The following BCKDHB variants were observed in gnomAD, a reference collection of about 807,000 sequenced individuals.
BCKDHB encodes the protein 2-oxoisovalerate dehydrogenase subunit beta, mitochondrial.
A neutral mutation model predicts 48.5 loss-of-function variants in BCKDHB; 41 were observed. That is an observed-to-expected ratio of 0.85 (90% CI 0.66 to 1.10). The LOEUF (loss-of-function observed/expected upper bound fraction) is 1.10. Among genes scored for constraint, BCKDHB ranks in the 50% least tolerant of loss-of-function variants. BCKDHB has a pLI of 0.00. For synonymous variants in BCKDHB, 201 were observed against 174.8 expected (o/e 1.15, Z -1.18); for missense variants, 496 against 494.2 (o/e 1.00, Z -0.03).
intron 8 of BCKDHB, among the ~76,000 whole-genome samples, chr6:80,265,193 C>T (rs1344713235): frequency 6.6e-6 from 1 of 152,030 alleles, no homozygotes; most frequent in East Asian, 1.9e-4. Flanking sequence ...CCAGCAATTC[C>T]ACTTCTGGGT....
chr6:80,291,092 T>C lies in BCKDHB; in HGVS notation c.1038+17871T>C, dbSNP rs896770234. ...CCAACCTCCTATCTCATCCTGTGAA[T>C]TGGAATGCCTAACTGTCTGGGAATG... On this transcript the variant is annotated intron_variant, in intron 9 of 9. Coordinates refer to ENST00000320393, the MANE Select transcript of BCKDHB (RefSeq NM_183050.4). Among the ~76,000 whole-genome samples the C allele has an allele frequency of 7.2e-5, 11 of 152,328 alleles. No individual in the cohort carries two copies. The East Asian group carries it at 1.5e-3, about 21-fold the overall frequency.
the BCKDHB span, among the ~76,000 whole-genome samples, chr6:80,462,253 A>C: frequency 6.6e-6 from 1 of 152,298 alleles, no homozygotes; most frequent in East Asian, 1.9e-4. Context: ...CTATTTACTT[A>C]TCTTTCTCCT....
chr6:80,349,005 A>G (rs936120128), downstream of BCKDHB, among the ~76,000 whole-genome samples: 6 of 152,196 alleles, frequency 3.9e-5, no homozygotes, highest in Admixed American at 3.3e-4. Flanking sequence ...ACAAGTAAAA[A>G]GGTGTATATC....
At chr6:80,162,845 A>T (rs1402694973) in intron 3 of BCKDHB, among the ~76,000 whole-genome samples, 1 of 152,008 alleles carries the variant, frequency 6.6e-6, no homozygotes, top group Non-Finnish European at 1.5e-5. Flanking sequence ...GCGAGACTAC[A>T]TCTCAAAACA....
intron 9 of BCKDHB, among the ~76,000 whole-genome samples, chr6:80,342,937 A>C (rs1488264672): frequency 6.6e-6 from 1 of 152,216 alleles, no homozygotes; most frequent in Non-Finnish European, 1.5e-5. Context: ...TGGAAGACAG[A>C]TAATTGGGCA....
chr6:80,456,020 G>C, the BCKDHB span, among the ~76,000 whole-genome samples: 1 of 152,014 alleles, frequency 6.6e-6, no homozygotes, highest in Non-Finnish European at 1.5e-5. Flanking sequence ...TTTGAGACCA[G>C]CCTAGCCAAT....
At position 80,106,693 on chromosome 6, in the gene BCKDHB, G is replaced by T. The variant is rs1357779159; in HGVS notation, c.-1G>T. The T allele has an allele frequency of 1.3e-6, 2 of 1,555,040 alleles. No homozygotes were observed. The highest frequency in any genetic ancestry group is 2.3e-4 in the Middle Eastern group (1 of 4,432). ...CCTGAGAATCCCGGTGGTGAGCGGG[G>T]ATGGCGGTTGTAGCGGCGGCTGCCG... On this transcript the variant is annotated 5_prime_UTR_variant, in exon 1 of 10. Transcript: ENST00000320393.
intron 1 of BCKDHB, 169 bp from the exon 2 acceptor site, chr6:80,127,378 G>A: frequency 1.6e-6 from 1 of 635,158 alleles, no homozygotes; most frequent in South Asian, 1.9e-5. Context: ...AGCTTCTCCA[G>A]GTCTGTATTG....
At chr6:80,383,546 T>C in the BCKDHB span, among the ~76,000 whole-genome samples, 1 of 152,148 alleles carries the variant, frequency 6.6e-6, no homozygotes, top group South Asian at 2.1e-4. Flanking sequence ...AATTTTCTAA[T>C]ATTTCCTAGC....
At chr6:80,197,777 A>G (rs921663048) in intron 6 of BCKDHB, among the ~76,000 whole-genome samples, 2 of 152,176 alleles carry the variant, frequency 1.3e-5, no homozygotes, top group East Asian at 1.9e-4. Flanking sequence ...CCTGTGTGCT[A>G]TCTTTGGTGC....
the BCKDHB span, among the ~76,000 whole-genome samples, chr6:80,367,840 A>G: frequency 2.0e-5 from 3 of 152,204 alleles, no homozygotes; most frequent in African/African-American, 7.2e-5. Flanking sequence ...ATGGTGGGGC[A>G]TGCACATTGC....
At chr6:80,190,134 T>A (rs1470868076) in intron 6 of BCKDHB, among the ~76,000 whole-genome samples, 3 of 152,116 alleles carry the variant, frequency 2.0e-5, no homozygotes, top group African/African-American at 7.2e-5. Flanking sequence ...CTTTATGGAA[T>A]GTAAAGCTTG....
At chr6:80,178,561 A>G (rs1438031189) in intron 6 of BCKDHB, among the ~76,000 whole-genome samples, 3 of 152,214 alleles carry the variant, frequency 2.0e-5, no homozygotes, top group Non-Finnish European at 4.4e-5. Flanking sequence ...GAGATTATCC[A>G]TGTGTGTACC....
At chr6:80,180,387 G>A (rs1773355376) in intron 6 of BCKDHB, among the ~76,000 whole-genome samples, 1 of 152,138 alleles carries the variant, frequency 6.6e-6, no homozygotes, top group African/African-American at 2.4e-5. Flanking sequence ...TGTAAAAAAT[G>A]TACAAAATAG....
chr6:80,216,103 A>G (rs980086088), intron 8 of BCKDHB, among the ~76,000 whole-genome samples: 2 of 152,192 alleles, frequency 1.3e-5, no homozygotes, highest in Non-Finnish European at 2.9e-5. Context: ...TTAAAACTAC[A>G]TATGTTATGC....
chr6:80,408,029 T>A, the BCKDHB span, among the ~76,000 whole-genome samples: 1 of 152,216 alleles, frequency 6.6e-6, no homozygotes, highest in African/African-American at 2.4e-5. Flanking sequence ...CTACATTCCA[T>A]CGACACCTAA....
intron 8 of BCKDHB, among the ~76,000 whole-genome samples, chr6:80,217,296 A>C (rs1221633231): frequency 6.6e-6 from 1 of 152,126 alleles, no homozygotes; most frequent in Non-Finnish European, 1.5e-5. Context: ...ACCAGCCATG[A>C]ATAGTCAATC....
chr6:80,370,695 A>C, the BCKDHB span, among the ~76,000 whole-genome samples: 58 of 152,156 alleles, frequency 3.8e-4, no homozygotes, highest in Admixed American at 1.2e-3. Context: ...AATGGTCTCC[A>C]ATTCATTCTG....
chr6:80,392,209 G>C, the BCKDHB span, among the ~76,000 whole-genome samples: 3 of 152,082 alleles, frequency 2.0e-5, no homozygotes, highest in Non-Finnish European at 2.9e-5. Context: ...GTCCAGGCTG[G>C]TCTCTAACTC....
Sources: gnomAD v4.1 joint callset for allele counts (sites outside exome capture counted in the v4.1 genomes callset) on GRCh38, gnomAD v4.1.1 for gene constraint, MANE v1.5 for transcripts, NCBI Gene and HGNC (gene_info 2026-07-23, HGNC 2026-07-21) for gene names.